Variants in OTUD7B observed in about 807,000 individuals in gnomAD.
The protein encoded by OTUD7B is OTU domain-containing protein 7B.
OTUD7B carries 34 observed loss-of-function variants against 82.2 expected under a neutral mutation model. The observed-to-expected ratio is 0.41, with a 90% CI of 0.31 to 0.55. The LOEUF (loss-of-function observed/expected upper bound fraction) is 0.55, where lower values mean the gene tolerates loss of function less well. Ranked by LOEUF, OTUD7B falls within the 20% of genes least tolerant of loss-of-function variation. The probability of loss-of-function intolerance (pLI) is 0.20; values close to 1 mark genes in which losing one functional copy is unlikely to be tolerated. For missense variants in OTUD7B, 944 were observed against 1,062.1 expected (o/e 0.89, Z 1.55); for synonymous variants, 398 against 402.7 (o/e 0.99, Z 0.14).
chr1:150,008,016 A>C (rs1408743563), intron 1 of OTUD7B, among the ~76,000 whole-genome samples: 1 of 152,196 alleles, frequency 6.6e-6, no homozygotes, highest in Non-Finnish European at 1.5e-5. Context: ...GATACTCAGG[A>C]GCTCCAAAAC....
the OTUD7B span, among the ~76,000 whole-genome samples, chr1:150,028,184 C>T: frequency 6.6e-6 from 1 of 152,142 alleles, no homozygotes; most frequent in African/African-American, 2.4e-5. Flanking sequence ...CAATAGTATC[C>T]TTAACACAAC....
rs1168449897 is a variant in OTUD7B at position 149,970,187 on chromosome 1, T to TG, written c.274+875dup. Among the ~76,000 whole-genome samples the TG allele has an allele frequency of 6.8e-5, 10 of 147,108 alleles. No individual in the cohort carries two copies. In the East Asian group the frequency reaches 2.0e-3, roughly 30 times the overall value. On this transcript the variant is annotated intron_variant, in intron 3 of 11. Transcript: ENST00000581312. ...GCTCACACCTGTAATCCCAGCACTT[T>TG]GGGGGGCCAAGTCAGATGGATTGCC...
the OTUD7B span, among the ~76,000 whole-genome samples, chr1:150,056,225 C>T: frequency 6.6e-6 from 1 of 152,064 alleles, no homozygotes; most frequent in African/African-American, 2.4e-5. Context: ...ATCTACATAT[C>T]TAACACCAAG....
chr1:150,033,462 T>C, the OTUD7B span, among the ~76,000 whole-genome samples: 1 of 152,152 alleles, frequency 6.6e-6, no homozygotes, highest in African/African-American at 2.4e-5. Flanking sequence ...GCCATCAATA[T>C]TATCCTTAAC....
At chr1:150,059,048 C>CTTTTTTTTT in the OTUD7B span, among the ~76,000 whole-genome samples, 17 of 140,986 alleles carry the variant, frequency 1.2e-4, no homozygotes, top group African/African-American at 4.5e-4. Flanking sequence ...TTCTTACTTT[C>CTTTTTTTTT]TTTTCTTTTT....
the OTUD7B span, among the ~76,000 whole-genome samples, chr1:150,037,928 G>GC: frequency 6.6e-6 from 1 of 151,432 alleles, no homozygotes; most frequent in South Asian, 2.1e-4. Context: ...GAGTGCAGTG[G>GC]TGCAATCATA....
At chr1:150,031,169 ATAAAT>A in the OTUD7B span, among the ~76,000 whole-genome samples, 7 of 152,370 alleles carry the variant, frequency 4.6e-5, no homozygotes, top group South Asian at 8.3e-4. Context: ...TATTTGTTAA[ATAAAT>A]TAAAGAAAAA....
chr1:149,992,438 G>GCTATATCTAAAT (rs1651635262), intron 1 of OTUD7B, among the ~76,000 whole-genome samples: 1 of 140,952 alleles, frequency 7.1e-6, no homozygotes, highest in Non-Finnish European at 1.5e-5. Flanking sequence ...AGAAATCACA[G>GCTATATCTAAAT]CTATATCTAA....
Position 149,979,275 on chromosome 1 carries a change from C to G in OTUD7B, c.-66-1699G>C, listed in dbSNP as rs587673598. ...GCAGATCAGAAATTCTACGGCACTT[C>G]TTATCACCATTCTATTTCTAAGTTT... On this transcript the variant is annotated intron_variant, in intron 1 of 11. Transcript: ENST00000581312. Among the ~76,000 whole-genome samples, 15 of 152,282 alleles carry G rather than the reference C, an allele frequency of 9.9e-5. No individual in the cohort carries two copies. In the South Asian group the frequency reaches 3.1e-3, roughly 32 times the overall value.
At chr1:150,037,089 G>A in the OTUD7B span, among the ~76,000 whole-genome samples, 3 of 151,922 alleles carry the variant, frequency 2.0e-5, no homozygotes, top group Non-Finnish European at 2.9e-5. Flanking sequence ...AAGCATATAC[G>A]AGAAAATAAG....
rs1310701334 is a variant in OTUD7B at position 149,938,339 on chromosome 1, T to C, written c.*5518A>G. The C allele has an allele frequency of 6.6e-6, 1 of 151,670 alleles. No homozygotes were observed. Among genetic ancestry groups the C allele is most frequent in the Non-Finnish European group, 1.5e-5 (1 of 68,090 alleles). The allele number at this position is 151,670 out of a possible 1,614,324, so 9.4% of individuals were successfully genotyped here. A position where few individuals can be genotyped will look rare whatever the true frequency, so the allele number is the denominator to read the frequency against. On this transcript the variant is annotated 3_prime_UTR_variant, in exon 12 of 12. Coordinates refer to ENST00000581312, the MANE Select transcript of OTUD7B (RefSeq NM_020205.4). ...AGCCAGGCGTGGTGGCTCACACCTA[T>C]AATCCCAGCTACTTGGGAGGCTGAG...
At chr1:150,048,959 A>G in the OTUD7B span, among the ~76,000 whole-genome samples, 1 of 151,854 alleles carries the variant, frequency 6.6e-6, no homozygotes, top group Admixed American at 6.6e-5. Context: ...CCGCCTCCTG[A>G]GTGGCTAGGA....
intron 2 of OTUD7B, among the ~76,000 whole-genome samples, chr1:149,975,233 C>T (rs1650227167): frequency 6.6e-6 from 1 of 152,226 alleles, no homozygotes; most frequent in Non-Finnish European, 1.5e-5. Context: ...GGCCTTCCTG[C>T]ACTCTAGATC....
At chr1:150,019,855 G>T in the OTUD7B span, among the ~76,000 whole-genome samples, 16 of 152,304 alleles carry the variant, frequency 1.1e-4, no homozygotes, top group East Asian at 1.9e-4. Flanking sequence ...AACCCAACCA[G>T]GCCAGGTGCA....
At chr1:150,029,178 CAG>C in the OTUD7B span, among the ~76,000 whole-genome samples, 12 of 151,918 alleles carry the variant, frequency 7.9e-5, no homozygotes, top group Admixed American at 2.0e-4. Flanking sequence ...CAAAAGATAC[CAG>C]AGAGAATATA....
At chr1:149,991,732 G>A (rs1260148596) in intron 1 of OTUD7B, among the ~76,000 whole-genome samples, 4 of 152,112 alleles carry the variant, frequency 2.6e-5, no homozygotes, top group Non-Finnish European at 5.9e-5. Context: ...TCCCATTCCA[G>A]TAATCTTTCC....
chr1:149,968,877 A>AT (rs587685973), intron 3 of OTUD7B, among the ~76,000 whole-genome samples: 17,716 of 148,436 alleles, frequency 0.12, 1,591 homozygotes, highest in African/African-American at 0.26. Context: ...CACCCAGCTA[A>AT]TTTTTTTTTT....
chr1:149,986,430 T>C (rs1651147955), intron 1 of OTUD7B, among the ~76,000 whole-genome samples: 1 of 152,224 alleles, frequency 6.6e-6, no homozygotes. Flanking sequence ...TCAGTCTGCA[T>C]ATTCCAAGTG....
At chr1:150,016,457 T>TC in the OTUD7B span, among the ~76,000 whole-genome samples, 23 of 147,090 alleles carry the variant, frequency 1.6e-4, no homozygotes, top group Non-Finnish European at 2.3e-4. Context: ...TTTTTCTTTT[T>TC]TTTTTTTTTT....
Sources: allele counts gnomAD v4.1 joint callset (sites outside exome capture counted in the v4.1 genomes callset), GRCh38; gene constraint gnomAD v4.1.1; transcripts MANE v1.5; gene names NCBI Gene and HGNC (gene_info 2026-07-23, HGNC 2026-07-21).